The following SNX29 variants were observed in gnomAD, a reference collection of about 807,000 sequenced individuals.
SNX29 encodes the protein sorting nexin-29.
In SNX29, 78 loss-of-function variants were observed where a neutral mutation model predicts 102.1. The observed-to-expected ratio is 0.76, with a 90% confidence interval of 0.64 to 0.92. SNX29 has a LOEUF of 0.92. Among genes scored for constraint, SNX29 ranks in the 40% least tolerant of loss-of-function variants. The pLI, the probability that SNX29 is intolerant of heterozygous loss-of-function variation, is 0.00. For synonymous variants in SNX29, 580 were observed against 414.5 expected, an observed-to-expected ratio of 1.40 and a Z score of -4.85; for missense variants, 1,280 against 1,061.7, an observed-to-expected ratio of 1.21 and a Z score of -2.86.
chr16:12,080,812 C>G (rs912455618), intron 11 of SNX29, among the ~76,000 whole-genome samples: 1 of 151,946 alleles, frequency 6.6e-6, no homozygotes, highest in African/African-American at 2.4e-5. Context: ...CTGCGTCAGC[C>G]TCCCAAGTAG....
In SNX29 at chr16:12,048,536, A is replaced by G. The variant is rs1596691592; in HGVS notation, c.664A>G (p.Thr222Ala). 6.2e-7 allele frequency: 1 copy of G among 1,613,956 alleles called. No homozygotes were observed. Among genetic ancestry groups the G allele is most frequent in the Non-Finnish European group, 8.5e-7 (1 of 1,179,874 alleles). ...AGTGAGCAGCCTGTTCAGGGAGATC[A>G]CAGCCTCCTCTGCCGTCTCCATCCT... Reference protein sequence around the residue: ...QGVSSLFREITASSAVSILIK... With the variant: ...QGVSSLFREIAASSAVSILIK... The change falls in exon 7 of 21, where the codon ACA (threonine) becomes GCA (alanine). Residue 222 changes from threonine (T) to alanine (A), a missense_variant. Thr to Ala is a moderately conservative substitution (Grantham distance 58). Transcript: ENST00000566228.
At position 12,561,487 on chromosome 16, in the gene SNX29, C is replaced by T. The variant is rs571248044; in HGVS notation, c.2319-7019C>T. 6.6e-5 allele frequency among the ~76,000 whole-genome samples: 10 copies of T among 152,116 alleles called. No individual in the cohort carries two copies. In the South Asian group the frequency reaches 1.5e-3, roughly 22 times the overall value. ...CTAGTAAGTGGAGTATTGACCGGCTCGCCAGACCCAGATCACAGGTGAAAC... is the reference window on the plus strand; with the variant it reads ...CTAGTAAGTGGAGTATTGACCGGCTTGCCAGACCCAGATCACAGGTGAAAC... On this transcript the variant is annotated intron_variant, in intron 20 of 20. Transcript: ENST00000566228.
At chr16:12,115,491 G>GTGTT (rs956671309) in intron 11 of SNX29, among the ~76,000 whole-genome samples, 2 of 149,912 alleles carry the variant, frequency 1.3e-5, no homozygotes, top group African/African-American at 4.9e-5. Flanking sequence ...TGATTTGTGT[G>GTGTT]TGTGTGTGTG....
At chr16:12,177,270 G>GT (rs1218272945) in intron 13 of SNX29, among the ~76,000 whole-genome samples, 2 of 152,134 alleles carry the variant, frequency 1.3e-5, no homozygotes, top group African/African-American at 4.8e-5. Context: ...GTTTTTCTCT[G>GT]TTTTACTTCT....
chr16:12,323,753 C>T (rs531004944), intron 15 of SNX29, among the ~76,000 whole-genome samples: 7 of 152,106 alleles, frequency 4.6e-5, no homozygotes, highest in Non-Finnish European at 1.0e-4. Flanking sequence ...AGTTTGAGTG[C>T]CATTTTTATC....
chr16:12,448,714 C>G (rs1192702296), intron 18 of SNX29, among the ~76,000 whole-genome samples: 1 of 152,174 alleles, frequency 6.6e-6, no homozygotes, highest in Admixed American at 6.5e-5. Context: ...CTGCCCAGTG[C>G]TCAGAGACAG....
chr16:12,086,453 C>A (rs928420566), intron 11 of SNX29, among the ~76,000 whole-genome samples: 2 of 152,096 alleles, frequency 1.3e-5, no homozygotes, highest in Admixed American at 6.5e-5. Context: ...CTCTGTTGCC[C>A]AGGCTGGAGT....
intron 14 of SNX29, among the ~76,000 whole-genome samples, chr16:12,226,710 A>T (rs2077621412): frequency 6.6e-6 from 1 of 151,472 alleles, no homozygotes; most frequent in Non-Finnish European, 1.5e-5. Flanking sequence ...AGTAGCCGGG[A>T]TTACAGGTGT....
chr16:12,229,758 G>A (rs2077716529), intron 14 of SNX29, among the ~76,000 whole-genome samples: 1 of 152,176 alleles, frequency 6.6e-6, no homozygotes, highest in Non-Finnish European at 1.5e-5. Flanking sequence ...AGTCAAAAGG[G>A]ATGAACTGAG....
intron 20 of SNX29, among the ~76,000 whole-genome samples, chr16:12,541,556 A>T (rs993814615): frequency 3.9e-5 from 6 of 152,162 alleles, no homozygotes; most frequent in African/African-American, 9.6e-5. Context: ...CTCCCTTTTC[A>T]AGCTGCCAAA....
chr16:12,465,969 A>G (rs555365838), intron 18 of SNX29, among the ~76,000 whole-genome samples: 3 of 152,260 alleles, frequency 2.0e-5, no homozygotes, highest in East Asian at 1.9e-4. Context: ...TAACCCCCCA[A>G]TGAATGAGGT....
intron 11 of SNX29, among the ~76,000 whole-genome samples, chr16:12,094,752 C>T (rs932022457): frequency 2.6e-5 from 4 of 152,148 alleles, no homozygotes; most frequent in African/African-American, 9.7e-5. Context: ...CCCAACAGGA[C>T]AGCTCCTCCC....
chr16:12,545,190 A>G (rs1462325483), intron 20 of SNX29, among the ~76,000 whole-genome samples: 1 of 152,192 alleles, frequency 6.6e-6, no homozygotes, highest in African/African-American at 2.4e-5. Flanking sequence ...AATATGGTCA[A>G]TACAAAAAAG....
At chr16:12,284,993 TG>T (rs1415551386) in intron 15 of SNX29, among the ~76,000 whole-genome samples, 1 of 152,240 alleles carries the variant, frequency 6.6e-6, no homozygotes, top group Non-Finnish European at 1.5e-5. Flanking sequence ...CCCAAAGTGA[TG>T]GGACGGATTA....
chr16:12,028,164 C>T (rs1471760182), intron 4 of SNX29, among the ~76,000 whole-genome samples: 1 of 152,192 alleles, frequency 6.6e-6, no homozygotes, highest in Admixed American at 6.5e-5. Flanking sequence ...TCTTTCTTAT[C>T]ACTATGTCAG....
intron 3 of SNX29, among the ~76,000 whole-genome samples, chr16:12,004,133 A>T (rs1167484174): frequency 1.3e-5 from 2 of 151,898 alleles, no homozygotes; most frequent in Non-Finnish European, 2.9e-5. Flanking sequence ...CGAGGTCAGG[A>T]GTTCGAGTCC....
intron 14 of SNX29, among the ~76,000 whole-genome samples, chr16:12,217,596 GA>G (rs923639040): frequency 2.0e-5 from 3 of 152,178 alleles, no homozygotes; most frequent in African/African-American, 7.2e-5. Context: ...GGTGAAACAG[GA>G]TTGATCCTTC....
intron 9 of SNX29, among the ~76,000 whole-genome samples, chr16:12,062,527 G>A (rs11075043): frequency 0.34 from 51,196 of 151,842 alleles, 8,686 homozygotes; most frequent in African/African-American, 0.39. Context: ...GGAGGACGTG[G>A]TTGATCCCAG....
intron 19 of SNX29, among the ~76,000 whole-genome samples, chr16:12,514,693 C>G (rs1349951413): frequency 6.6e-6 from 1 of 152,034 alleles, no homozygotes; most frequent in Admixed American, 6.6e-5. Flanking sequence ...GGTGAAACCC[C>G]GTCTCTAGTA....
Sources: allele counts gnomAD v4.1 joint callset (sites outside exome capture counted in the v4.1 genomes callset), GRCh38; gene constraint gnomAD v4.1.1; transcripts MANE v1.5; gene names NCBI Gene and HGNC (gene_info 2026-07-23, HGNC 2026-07-21).